The following MMUT variants were observed in gnomAD, a reference collection of about 807,000 sequenced individuals.
The protein encoded by MMUT is methylmalonyl-CoA mutase, mitochondrial.
In MMUT, 79 loss-of-function variants were observed where a neutral mutation model predicts 79.9. The ratio of observed to expected loss-of-function variants is 0.99; its 90% confidence interval spans 0.82 to 1.19. The LOEUF is 1.19. MMUT is among the 50% of genes most tolerant of loss of function. The probability of loss-of-function intolerance (pLI) is 0.00; values close to 1 mark genes in which losing one functional copy is unlikely to be tolerated. For missense variants in MMUT, 860 were observed against 917.2 expected, an observed-to-expected ratio of 0.94 and a Z score of 0.81; for synonymous variants, 273 against 295.7, an observed-to-expected ratio of 0.92 and a Z score of 0.79.
chr6:49,444,829 A>C, intron 8 of MMUT, 75 bp from the exon 9 acceptor site: 1 of 1,125,710 alleles, frequency 8.9e-7, no homozygotes, highest in Middle Eastern at 2.0e-4. Flanking sequence ...TTAGACCCTG[A>C]TGCATAGCAT....
intron 1 of MMUT, among the ~76,000 whole-genome samples, chr6:49,461,480 C>T (rs948017182): frequency 2.0e-5 from 3 of 152,060 alleles, no homozygotes; most frequent in African/African-American, 7.2e-5. Context: ...GGAAACATAA[C>T]AAAAAAGGCT....
At position 49,431,715 on chromosome 6, in the gene MMUT, C is replaced by T. The variant is rs1766981723; in HGVS notation, c.*13G>A. ...ATAATATTTTAGACAAAAGCTAAAA[C>T]AAAAAGAGGATATTATACAGATTGC... On this transcript the variant is annotated 3_prime_UTR_variant, in exon 13 of 13. Transcript: ENST00000274813. 2 of 1,611,174 alleles carry T rather than the reference C, an allele frequency of 1.2e-6. No homozygotes were observed. Among genetic ancestry groups the T allele is most frequent in the Non-Finnish European group, 8.5e-7 (1 of 1,177,952 alleles).
intron 12 of MMUT, 79 bp downstream of exon 12, chr6:49,435,377 T>C: frequency 7.2e-7 from 1 of 1,384,852 alleles, no homozygotes. Flanking sequence ...AATCTACAAG[T>C]TTATCTTTAG....
intron 11 of MMUT, among the ~76,000 whole-genome samples, chr6:49,436,898 A>G (rs964533104): frequency 1.3e-5 from 2 of 152,132 alleles, no homozygotes; most frequent in African/African-American, 4.8e-5. Flanking sequence ...GAACACATGG[A>G]CACAAACAAG....
chr6:49,453,482 A>G, intron 5 of MMUT, 103 bp downstream of exon 5: 1 of 499,782 alleles, frequency 2.0e-6, no homozygotes, highest in Admixed American at 3.7e-5. Flanking sequence ...TCAAATATTA[A>G]CAGATAGCTT....
chr6:49,458,981 A>G (rs1487360952), intron 2 of MMUT, 101 bp downstream of exon 2: 2 of 1,202,266 alleles, frequency 1.7e-6, no homozygotes, highest in Admixed American at 2.5e-5. Context: ...CTACAAAATT[A>G]TAGAGTGAAT....
intron 12 of MMUT, among the ~76,000 whole-genome samples, chr6:49,432,994 T>A (rs1273002386): frequency 6.6e-6 from 1 of 152,254 alleles, no homozygotes; most frequent in East Asian, 1.9e-4. Flanking sequence ...ATACTTGTAA[T>A]ATTCTTATAA....
chr6:49,441,916 C>T lies in MMUT; in HGVS notation c.1732G>A (p.Ala578Thr). ...GCTCCACTCACCATTCGATCATTCGCTTTATGTTCACCAAATACCTTTTTC... is the reference window on the plus strand; with the variant it reads ...GCTCCACTCACCATTCGATCATTCGTTTTATGTTCACCAAATACCTTTTTC... ...ALKKVFGEHKANDRMVSGAYR... is the reference protein window; with the variant it reads ...ALKKVFGEHKTNDRMVSGAYR... The change falls in exon 10 of 13, where the codon GCG becomes ACG. Residue 578 changes from alanine to threonine, a missense_variant. Transcript: ENST00000274813. 6.2e-7 allele frequency: 1 copy of T among 1,612,176 alleles called. No homozygotes were observed. Among genetic ancestry groups the T allele is most frequent in the East Asian group, 2.2e-5 (1 of 44,708 alleles).
intron 11 of MMUT, among the ~76,000 whole-genome samples, chr6:49,438,343 G>C (rs6458688): frequency 2.6e-5 from 4 of 151,758 alleles, no homozygotes; most frequent in South Asian, 2.1e-4. Flanking sequence ...GTTAAAAAAA[G>C]ACAACAAAAA....
intron 10 of MMUT, among the ~76,000 whole-genome samples, chr6:49,440,818 A>G (rs748659500): frequency 3.9e-5 from 6 of 152,234 alleles, no homozygotes; most frequent in Non-Finnish European, 8.8e-5. Flanking sequence ...GCCAGGGTAC[A>G]GAGTACAACA....
chr6:49,458,644 G>C (rs935952236), intron 2 of MMUT, among the ~76,000 whole-genome samples: 9 of 152,182 alleles, frequency 5.9e-5, no homozygotes, highest in African/African-American at 2.2e-4. Context: ...AGCTCAGAAA[G>C]AAGAAATAAT....
intron 3 of MMUT, among the ~76,000 whole-genome samples, chr6:49,457,128 C>T (rs553311430): frequency 2.0e-5 from 3 of 152,056 alleles, no homozygotes; most frequent in Non-Finnish European, 4.4e-5. Flanking sequence ...AGAAGGAGTA[C>T]GTTGCTGGTA....
At chr6:49,442,036 A>G (rs1767291030) in intron 9 of MMUT, 65 bp from the exon 10 acceptor site, 2 of 1,472,178 alleles carry the variant, frequency 1.4e-6, no homozygotes, top group South Asian at 2.3e-5. Flanking sequence ...TGTTTACCAT[A>G]ATATTCAATA....
At chr6:49,435,044 C>A (rs1489670793) in intron 12 of MMUT, among the ~76,000 whole-genome samples, 1 of 152,174 alleles carries the variant, frequency 6.6e-6, no homozygotes, top group Non-Finnish European at 1.5e-5. Context: ...TTCCACCCCC[C>A]AGGACAAGGA....
chr6:49,447,845 G>A, intron 7 of MMUT, 60 bp from the exon 8 acceptor site: 1 of 921,342 alleles, frequency 1.1e-6, no homozygotes, highest in East Asian at 2.5e-5. Context: ...TAATGCTCTG[G>A]TTATGATGTA....
chr6:49,457,687 A>G lies in MMUT; in HGVS notation c.753+4T>C. 6.2e-7 allele frequency: 1 copy of G among 1,608,234 alleles called. No individual in the cohort carries two copies. Among genetic ancestry groups the G allele is most frequent in the Non-Finnish European group, 8.5e-7 (1 of 1,177,912 alleles). On this transcript the variant is annotated splice_donor_region_variant and intron_variant, in intron 3 of 12. Transcript: ENST00000274813. The stretch of plus-strand genomic sequence containing the variant: ...GAAAAACCTATAATAACCACAAAGT[A>G]TACCTTTGCTGTATATTCAAATATG...
intron 11 of MMUT, among the ~76,000 whole-genome samples, chr6:49,438,818 T>C (rs1001166648): frequency 1.3e-5 from 2 of 152,020 alleles, no homozygotes; most frequent in East Asian, 1.9e-4. Context: ...AAAATGTGAA[T>C]AGAGAGACTG....
Position 49,457,963 on chromosome 6 carries a change from C to T in MMUT, c.481G>A (p.Gly161Arg), listed in dbSNP as rs2127420039. Residue 161 changes from glycine to arginine, a missense_variant, in exon 3 of 13, where the codon GGA becomes AGA. Coordinates refer to ENST00000274813, the MANE Select transcript of MMUT (RefSeq NM_000255.4). ...PRVRGDVGMA[G>R]VAIDTVEDTK... is the part of the protein sequence containing the mutation. ...TCTTCCACAGTGTCAATAGCAACTC[C>T]AGCCATTCCAACATCACCACGAACT... 1.2e-6 allele frequency: 2 copies of T among 1,610,576 alleles called. No homozygotes were observed. The highest frequency in any genetic ancestry group is 1.3e-5 in the African/African-American group (1 of 75,016).
chr6:49,453,898 G>A (rs1007037221), intron 4 of MMUT, 142 bp from the exon 5 acceptor site: 13 of 651,334 alleles, frequency 2.0e-5, no homozygotes, highest in East Asian at 8.6e-5. Flanking sequence ...ATCAGTGCAC[G>A]TACATTTATG....
Sources: allele counts gnomAD v4.1 joint callset (sites outside exome capture counted in the v4.1 genomes callset), GRCh38; gene constraint gnomAD v4.1.1; transcripts MANE v1.5; gene names NCBI Gene and HGNC (gene_info 2026-07-23, HGNC 2026-07-21).